The following NVL variants were observed in gnomAD, a reference collection of about 807,000 sequenced individuals.
NVL encodes the protein nuclear VCP like, also known as nuclear valosin-containing protein-like.
In NVL, 84 loss-of-function variants were observed where a neutral mutation model predicts 110.2. That is an observed-to-expected ratio of 0.76 (90% CI 0.64 to 0.91). NVL has a LOEUF of 0.91. Ranked by LOEUF, NVL falls within the 40% of genes least tolerant of loss-of-function variation. The probability of loss-of-function intolerance (pLI) is 0.00; values close to 1 mark genes in which losing one functional copy is unlikely to be tolerated. For missense variants in NVL, 882 were observed against 1,035.9 expected (o/e 0.85, Z 2.04); for synonymous variants, 354 against 361.1 (o/e 0.98, Z 0.22).
chr1:224,284,370 T>TA (rs537270369), intron 15 of NVL, among the ~76,000 whole-genome samples: 2,392 of 151,384 alleles, frequency 0.016, 32 homozygotes, highest in Middle Eastern at 0.059. Context: ...CATACTTAAA[T>TA]AAAAAAAACT....
chr1:224,235,153 C>A (rs1660320203), intron 20 of NVL, among the ~76,000 whole-genome samples: 1 of 151,902 alleles, frequency 6.6e-6, no homozygotes, highest in Admixed American at 6.6e-5. Context: ...AAGGCCATTT[C>A]TTTATTTTTA....
At chr1:224,281,284 C>CGTGTGCGTGT in intron 15 of NVL, 99 bp from the exon 16 acceptor site, 1 of 552,222 alleles carries the variant, frequency 1.8e-6, no homozygotes, top group Non-Finnish European at 3.2e-6. Flanking sequence ...ACTCTGTGTG[C>CGTGTGCGTGT]GTGTGTGTGT....
At chr1:224,301,122 C>T (rs1020660716) in intron 9 of NVL, among the ~76,000 whole-genome samples, 4 of 150,930 alleles carry the variant, frequency 2.7e-5, no homozygotes, top group Admixed American at 6.6e-5. Flanking sequence ...AAAAAAAAAT[C>T]AACGGTTTCA....
At position 224,308,175 on chromosome 1, in the gene NVL, C is replaced by T. The variant is rs761086616; in HGVS notation, c.431G>A (p.Arg144Lys). 1 of 1,614,078 alleles carries T rather than the reference C, an allele frequency of 6.2e-7. No individual in the cohort carries two copies. The highest frequency in any genetic ancestry group is 1.1e-5 in the South Asian group (1 of 91,068). ...CCGTGGTGTTGAAGAGGTGGTTTCT[C>T]TTTGCTCCATCTCAGGAGTATTTGA... ...SVSNTPEMEQ[R>K]ETTSSTPRIS... is the part of the protein sequence containing the mutation. Residue 144 changes from arginine (R) to lysine (K), a missense_variant, in exon 6 of 23, where the codon AGA (arginine) becomes AAA (lysine). Physicochemically the swap from Arg to Lys is conservative, Grantham distance 26. Transcript: ENST00000281701.
intron 2 of NVL, 104 bp from the exon 3 acceptor site, chr1:224,318,034 T>A: frequency 1.3e-6 from 1 of 748,100 alleles, no homozygotes; most frequent in Non-Finnish European, 2.2e-6. Flanking sequence ...TATTTCATTG[T>A]TACAGTATAG....
intron 19 of NVL, among the ~76,000 whole-genome samples, chr1:224,249,337 C>T (rs548210053): frequency 6.6e-6 from 1 of 152,146 alleles, no homozygotes; most frequent in South Asian, 2.1e-4. Context: ...GTTTCCCAGG[C>T]TGATCTTGAA....
intron 19 of NVL, among the ~76,000 whole-genome samples, chr1:224,239,954 G>C (rs761717680): frequency 1.8e-4 from 27 of 152,060 alleles, no homozygotes; most frequent in Non-Finnish European, 3.1e-4. Context: ...CTGGAGTGCA[G>C]TGACGCAATC....
chr1:224,270,744 C>T (rs573483864), intron 17 of NVL, among the ~76,000 whole-genome samples: 1 of 152,102 alleles, frequency 6.6e-6, no homozygotes, highest in South Asian at 2.1e-4. Context: ...AAGATAAGAT[C>T]AAATAATTTC....
intron 18 of NVL, among the ~76,000 whole-genome samples, chr1:224,258,627 C>T (rs143788405): frequency 1.5e-3 from 227 of 151,848 alleles, no homozygotes; most frequent in Non-Finnish European, 2.4e-3. Flanking sequence ...TCATAATAGC[C>T]AAAAAACAGA....
chr1:224,299,310 TG>T lies in NVL; in HGVS notation c.1062+1251del, dbSNP rs149678836. 4.1e-3 allele frequency among the ~76,000 whole-genome samples: 630 copies of T among 152,048 alleles called. 6 individuals carry two copies. The highest frequency in any genetic ancestry group is 0.015 in the African/African-American group (608 of 41,458). On this transcript the variant is annotated intron_variant, in intron 10 of 22. Coordinates refer to ENST00000281701, the MANE Select transcript of NVL (RefSeq NM_002533.4). The stretch of plus-strand genomic sequence containing the variant: ...CTTGTCAGTGACCTGGAAAGTTGAA[TG>T]GGGGAAAAAAAAGAATAAATGATGG...
intron 10 of NVL, among the ~76,000 whole-genome samples, chr1:224,298,827 T>G (rs1265455468): frequency 6.6e-6 from 1 of 152,206 alleles, no homozygotes; most frequent in Non-Finnish European, 1.5e-5. Context: ...CAGGTATTAT[T>G]TATGAAATAT....
At position 224,227,630 on chromosome 1, in the gene NVL, C is replaced by G. The variant is rs552984431; in HGVS notation, c.2567G>C (p.Arg856Pro). The G allele has an allele frequency of 1.9e-6, 3 of 1,610,566 alleles. No homozygotes were observed. Among genetic ancestry groups the G allele is most frequent in the Non-Finnish European group, 2.5e-6 (3 of 1,177,944 alleles). Residue 856 changes from arginine (R) to proline (P), a missense_variant, in exon 23 of 23, where the codon CGG becomes CCG. Around this residue, in one of 4 missense-constraint regions of NVL, gnomAD observed 126 missense variants for 140.7 expected, o/e 0.90. Transcript: ENST00000281701. ...CTAAGCCGGCTGCTGGAGACATCAC[C>G]GGCTGAGGGACTCCTGCAAACGTTC... The part of the protein sequence containing the change: ...MYERLQESLS[R>P]
At chr1:224,245,244 GAACA>G (rs1448104800) in intron 19 of NVL, among the ~76,000 whole-genome samples, 1 of 152,186 alleles carries the variant, frequency 6.6e-6, no homozygotes, top group Non-Finnish European at 1.5e-5. Context: ...GACTTACAAA[GAACA>G]TACATGGGCA....
chr1:224,275,418 T>C lies in NVL; in HGVS notation c.2003A>G (p.Gln668Arg). Residue 668 changes from glutamine (Q) to arginine (R), a missense_variant, in exon 17 of 23, where the codon CAA becomes CGA. Coordinates refer to ENST00000281701, the MANE Select transcript of NVL (RefSeq NM_002533.4). Reference sequence around the variant, plus strand: ...ACAGGGTGCTGAGTTCTTGGCTCGTTGAAAAACTTGTCGCACAGCACGTTC... The same window carrying C: ...ACAGGGTGCTGAGTTCTTGGCTCGTCGAAAAACTTGTCGCACAGCACGTTC... ...ESERAVRQVFQRAKNSAPCVI... is the reference protein window; with the variant it reads ...ESERAVRQVFRRAKNSAPCVI... 1.2e-6 allele frequency: 2 copies of C among 1,614,188 alleles called. No individual in the cohort carries two copies. The highest frequency in any genetic ancestry group is 8.5e-7 in the Non-Finnish European group (1 of 1,180,032).
chr1:224,247,464 T>C (rs1661981561), intron 19 of NVL, among the ~76,000 whole-genome samples: 1 of 151,636 alleles, frequency 6.6e-6, no homozygotes, highest in Non-Finnish European at 1.5e-5. Flanking sequence ...AGGTCAGGAG[T>C]TCGAGACCAG....
intron 17 of NVL, among the ~76,000 whole-genome samples, chr1:224,274,056 A>ACACACACACACACC (rs1375732904): frequency 6.6e-6 from 1 of 151,298 alleles, no homozygotes; most frequent in Non-Finnish European, 1.5e-5. Flanking sequence ...ACACACACAC[A>ACACACACACACACC]CACCCATATT....
At chr1:224,247,339 G>A (rs1661966273) in intron 19 of NVL, among the ~76,000 whole-genome samples, 1 of 151,890 alleles carries the variant, frequency 6.6e-6, no homozygotes, top group Admixed American at 6.6e-5. Context: ...CCAAGTAGCT[G>A]GGACTACGGG....
chr1:224,231,263 T>TA lies in NVL; in HGVS notation c.2488_2489insT (p.Glu830ValfsTer19). ...AGATGATCTTACTTTCTTGAAAGCT[T>TA]CTTCAAAATGCTTATGACTAACCTT... On this transcript the variant is annotated frameshift_variant, in exon 22 of 23. Coordinates refer to ENST00000281701, the MANE Select transcript of NVL (RefSeq NM_002533.4). LOFTEE classifies it high-confidence loss of function. 1 of 1,612,930 alleles carries TA rather than the reference T, an allele frequency of 6.2e-7. No homozygotes were observed. The highest frequency in any genetic ancestry group is 8.5e-7 in the Non-Finnish European group (1 of 1,179,668).
Position 224,227,515 on chromosome 1 carries a change from T to C in NVL, c.*111A>G. On this transcript the variant is annotated 3_prime_UTR_variant, in exon 23 of 23. Transcript: ENST00000281701. Reference sequence around the variant, plus strand: ...TGGCCTCATTCATTTGAAAATAAAATGTTTACATGAGGCCGCGCCTGTGTC... The same window carrying C: ...TGGCCTCATTCATTTGAAAATAAAACGTTTACATGAGGCCGCGCCTGTGTC... 1 of 769,418 alleles carries C rather than the reference T, an allele frequency of 1.3e-6. No homozygotes were observed. Among genetic ancestry groups the C allele is most frequent in the Admixed American group, 3.2e-5 (1 of 30,802 alleles). The allele number at this position is 769,418 out of a possible 1,614,324, so 47.7% of individuals were successfully genotyped here.
Sources: gnomAD v4.1 joint callset for allele counts (sites outside exome capture counted in the v4.1 genomes callset) on GRCh38, gnomAD v4.1.1 for gene constraint, gnomAD v4.1.1 regional missense constraint, MANE v1.5 for transcripts, NCBI Gene and HGNC (gene_info 2026-07-23, HGNC 2026-07-21) for gene names.